Variants in TET3 observed in about 807,000 individuals in gnomAD.
The protein encoded by TET3 is tet methylcytosine dioxygenase 3, also known as methylcytosine dioxygenase TET3.
A neutral mutation model predicts 141.4 loss-of-function variants in TET3; 19 were observed. The ratio of observed to expected loss-of-function variants is 0.13; its 90% CI spans 0.09 to 0.20. TET3 has a LOEUF of 0.20. Among genes scored for constraint, TET3 ranks in the 10% least tolerant of loss-of-function variants. The probability of loss-of-function intolerance (pLI) is 1.00; values close to 1 mark genes in which losing one functional copy is unlikely to be tolerated. For synonymous variants in TET3, 1,043 were observed against 980.9 expected (o/e 1.06, Z -1.18); for missense variants, 1,874 against 2,356.9 (o/e 0.80, Z 4.24).
intron 3 of TET3, among the ~76,000 whole-genome samples, chr2:74,016,742 A>AC (rs1162494670): frequency 1.3e-4 from 19 of 151,670 alleles, no homozygotes; most frequent in Admixed American, 2.6e-4. Flanking sequence ...AAACAAACAA[A>AC]AAAATAAAAC....
At chr2:74,123,787 C>T in the TET3 span, among the ~76,000 whole-genome samples, 460 of 151,668 alleles carry the variant, frequency 3.0e-3, 2 homozygotes, top group Middle Eastern at 6.8e-3. Flanking sequence ...CGCCTCTTCC[C>T]GGCCGCCATC....
chr2:74,122,684 T>C, the TET3 span, among the ~76,000 whole-genome samples: 2 of 136,164 alleles, frequency 1.5e-5, no homozygotes, highest in African/African-American at 5.4e-5. Flanking sequence ...TAGCTTTTTT[T>C]TTTTTTTTTT....
Position 74,093,104 on chromosome 2 carries a change from T to C in TET3, c.3129+113T>C. The C allele has an allele frequency of 1.0e-6, 1 of 997,284 alleles. No individual in the cohort carries two copies. Among genetic ancestry groups the C allele is most frequent in the South Asian group, 1.5e-5 (1 of 66,554 alleles). 61.8% of individuals were successfully genotyped at this position (997,284 alleles called of 1,614,324 possible). A position where few individuals can be genotyped will look rare whatever the true frequency, so the allele number is the denominator to read the frequency against. On this transcript the variant is annotated intron_variant, in intron 9 of 11. Transcript: ENST00000409262. This position sits in a 1 kb window ranked among gnomAD's most constrained non-coding sequence, Gnocchi z 4.2. Reference sequence around the variant, plus strand: ...CTTTTACTCTCTTATGGGAAGAGCCTAGTCCAGAAGTAAAGCGATATGATG... The same window carrying C: ...CTTTTACTCTCTTATGGGAAGAGCCCAGTCCAGAAGTAAAGCGATATGATG...
intron 5 of TET3, among the ~76,000 whole-genome samples, chr2:74,076,810 C>T (rs1013303482): frequency 2.0e-5 from 3 of 152,140 alleles, no homozygotes; most frequent in Non-Finnish European, 4.4e-5. Flanking sequence ...CAGGACTGCT[C>T]TGCTGTCAGG....
Position 73,986,712 on chromosome 2 carries a change from C to T in TET3, c.303+6C>T, listed in dbSNP as rs974891255. 8.1e-7 allele frequency: 1 copy of T among 1,231,932 alleles called. No homozygotes were observed. Among genetic ancestry groups the T allele is most frequent in the Non-Finnish European group, 1.0e-6 (1 of 987,992 alleles). The allele number at this position is 1,231,932 out of a possible 1,614,324, so 76.3% of individuals were successfully genotyped here. The stretch of plus-strand genomic sequence containing the variant: ...AAGTAGGGCTTCTCAAGGAGGTAAG[C>T]CGGCCCTTGCTGGGCTACCCTGTTC... On this transcript the variant is annotated splice_donor_region_variant and intron_variant, in intron 2 of 11. Coordinates refer to ENST00000409262, the MANE Select transcript of TET3 (RefSeq NM_001287491.2).
At chr2:74,110,699 C>T (rs965906839), downstream of TET3, among the ~76,000 whole-genome samples, 18 of 152,144 alleles carry the variant, frequency 1.2e-4, no homozygotes, top group African/African-American at 4.1e-4. Flanking sequence ...CAACCCCAGG[C>T]CCAGGGAGCC....
At chr2:74,008,194 A>G (rs1373727620) in intron 3 of TET3, among the ~76,000 whole-genome samples, 1 of 152,174 alleles carries the variant, frequency 6.6e-6, no homozygotes, top group Non-Finnish European at 1.5e-5. Context: ...TCTTGGGGAC[A>G]AAGCCTCCGC....
At chr2:74,038,196 T>C (rs149832791) in intron 3 of TET3, among the ~76,000 whole-genome samples, 28 of 152,210 alleles carry the variant, frequency 1.8e-4, no homozygotes, top group African/African-American at 6.3e-4. Context: ...AGGTGGGAAA[T>C]GTGACTGGGG....
At chr2:74,094,877 ATGCCTGCTAGACG>A (rs1573909239) in intron 10 of TET3, among the ~76,000 whole-genome samples, 4 of 152,150 alleles carry the variant, frequency 2.6e-5, no homozygotes, top group Admixed American at 2.6e-4. Context: ...CTGTTTCAAG[ATGCCTGCTAGACG>A]TGCAGGTGGA....
intron 3 of TET3, among the ~76,000 whole-genome samples, chr2:74,004,926 G>A (rs549572566): frequency 1.3e-5 from 2 of 152,140 alleles, no homozygotes; most frequent in African/African-American, 4.8e-5. Flanking sequence ...CCAGCCTGGG[G>A]AAAGCAGGCC....
the TET3 span, chr2:74,134,933 C>A: frequency 1.4e-5 from 5 of 348,620 alleles, no homozygotes; most frequent in African/African-American, 1.1e-4. Flanking sequence ...AAGTTCAGGG[C>A]AGGTCCATCT....
rs1424588891 is a variant in TET3 at position 74,101,431 on chromosome 2, G to T, written c.4643G>T (p.Gly1548Val). Residue 1548 changes from glycine to valine, a missense_variant, in exon 12 of 12, where the codon GGT becomes GTT. Gly to Val is a moderately radical substitution (Grantham distance 109, BLOSUM62 -3). Coordinates refer to ENST00000409262, the MANE Select transcript of TET3 (RefSeq NM_001287491.2). The surrounding 1 kb of genome is among the most constrained non-coding windows in gnomAD (Gnocchi z 8.5). ...GAGDFNSALKGSPGFQDKLWN... is the reference protein window; with the variant it reads ...GAGDFNSALKVSPGFQDKLWN... ...GGGGATTTCAACTCGGCCCTGAAAGGTAGTCCTGGGTTCCAAGACAAGCTG... is the reference window on the plus strand; with the variant it reads ...GGGGATTTCAACTCGGCCCTGAAAGTTAGTCCTGGGTTCCAAGACAAGCTG... The T allele has an allele frequency of 1.2e-6, 2 of 1,613,840 alleles. No homozygotes were observed. Among genetic ancestry groups the T allele is most frequent in the Non-Finnish European group, 1.7e-6 (2 of 1,179,904 alleles).
At chr2:74,134,265 C>T in the TET3 span, among the ~76,000 whole-genome samples, 196 of 152,188 alleles carry the variant, frequency 1.3e-3, 2 homozygotes, top group Non-Finnish European at 1.5e-3. Context: ...CTCGGGCCTT[C>T]AGGCACAGTT....
At chr2:74,096,047 C>T (rs367584274) in intron 10 of TET3, among the ~76,000 whole-genome samples, 5 of 152,288 alleles carry the variant, frequency 3.3e-5, no homozygotes, top group Admixed American at 2.0e-4. Context: ...TTCATCTTTG[C>T]GACTATCCTA....
chr2:74,085,489 T>C (rs1690074027), intron 6 of TET3, among the ~76,000 whole-genome samples: 1 of 152,200 alleles, frequency 6.6e-6, no homozygotes, highest in Admixed American at 6.5e-5. Flanking sequence ...CCAGACCCAC[T>C]CTGGGGGGTA....
intron 4 of TET3, among the ~76,000 whole-genome samples, chr2:74,064,690 C>T (rs548961566): frequency 5.1e-4 from 78 of 152,306 alleles, no homozygotes; most frequent in Non-Finnish European, 9.7e-4. Flanking sequence ...TGAGCCACCA[C>T]AGCTGGCCCA....
intron 3 of TET3, among the ~76,000 whole-genome samples, chr2:74,032,465 G>T (rs933341571): frequency 7.3e-6 from 1 of 136,296 alleles, no homozygotes; most frequent in Admixed American, 7.1e-5. Context: ...GTGTGTGTGT[G>T]TGTGTGTGTG....
chr2:74,065,826 T>A (rs1011914393), intron 4 of TET3, among the ~76,000 whole-genome samples: 2 of 151,884 alleles, frequency 1.3e-5, no homozygotes, highest in Admixed American at 6.6e-5. Context: ...TGGTGCGACC[T>A]CAGCTCACTG....
intron 3 of TET3, among the ~76,000 whole-genome samples, chr2:74,022,564 G>A (rs188125243): frequency 1.3e-5 from 2 of 150,780 alleles, no homozygotes; most frequent in Admixed American, 6.6e-5. Context: ...GTAGTTAATC[G>A]GTTTATTATT....
Sources: allele counts gnomAD v4.1 joint callset (sites outside exome capture counted in the v4.1 genomes callset), GRCh38; gene constraint gnomAD v4.1.1; non-coding constraint Gnocchi (gnomAD v3.1); transcripts MANE v1.5; gene names NCBI Gene and HGNC (gene_info 2026-07-23, HGNC 2026-07-21).